MSH3: variants seen among roughly 807,000 people sequenced by gnomAD.
The protein encoded by MSH3 is DNA mismatch repair protein Msh3.
MSH3 carries 106 observed loss-of-function variants against 123.3 expected under a neutral mutation model. The ratio of observed to expected loss-of-function variants is 0.86; its 90% CI spans 0.73 to 1.01. MSH3 has a LOEUF of 1.01. MSH3 is among the 50% of genes least tolerant of loss of function. The probability of loss-of-function intolerance (pLI) is 0.00; values close to 1 mark genes in which losing one functional copy is unlikely to be tolerated. For missense variants in MSH3, 1,459 were observed against 1,347.6 expected, an observed-to-expected ratio of 1.08 and a Z score of -1.29; for synonymous variants, 515 against 481.4, an observed-to-expected ratio of 1.07 and a Z score of -0.91.
At chr5:80,871,932 G>A (rs1746221808) in intron 22 of MSH3, among the ~76,000 whole-genome samples, 1 of 152,080 alleles carries the variant, frequency 6.6e-6, no homozygotes, top group African/African-American at 2.4e-5. Flanking sequence ...ATGTGGTCTT[G>A]GGTGAAGCCC....
At position 80,754,284 on chromosome 5, in the gene MSH3, T is replaced by TTA. The variant is rs543692557; in HGVS notation, c.1764-7248_1764-7247dup. On this transcript the variant is annotated intron_variant, in intron 12 of 23. Coordinates refer to ENST00000265081, the MANE Select transcript of MSH3 (RefSeq NM_002439.5). ...TTGTTTAAAAAAGCAAATATGAATTTTATATATATATATATGAAATCTCTT... is the reference window on the plus strand; with the variant it reads ...TTGTTTAAAAAAGCAAATATGAATTTTATATATATATATATATGAAATCTCTT... Among the ~76,000 whole-genome samples the TTA allele has an allele frequency of 2.0e-3, 303 of 151,314 alleles. 1 individual carries two copies. The highest frequency in any genetic ancestry group is 6.5e-3 in the African/African-American group (270 of 41,256).
rs921898939 is a variant in MSH3, at chr5:80,654,976, C to T, written c.237+12C>T. 4.2e-6 allele frequency: 6 copies of T among 1,440,254 alleles called. No individual in the cohort carries two copies. Among genetic ancestry groups the T allele is most frequent in the Non-Finnish European group, 5.5e-6 (6 of 1,092,714 alleles). 89.2% of individuals were successfully genotyped at this position (1,440,254 alleles called of 1,614,324 possible). ...TGCCGCCGCACATAGTAGGTTCTGT[C>T]TGGGACTGGGCAGGGCCATCGGGGC... On this transcript the variant is annotated intron_variant, in intron 1 of 23. Transcript: ENST00000265081.
chr5:80,836,732 C>T (rs994976461), intron 20 of MSH3, among the ~76,000 whole-genome samples: 1 of 145,512 alleles, frequency 6.9e-6, no homozygotes, highest in Non-Finnish European at 1.5e-5. Flanking sequence ...CTTAGAATAC[C>T]TAGTGTAATG....
chr5:80,840,049 T>A (rs1385534733), intron 20 of MSH3, among the ~76,000 whole-genome samples: 1 of 152,236 alleles, frequency 6.6e-6, no homozygotes, highest in Non-Finnish European at 1.5e-5. Context: ...AGAAATTTTT[T>A]ATCAATTCAA....
At chr5:80,766,409 G>C (rs542814475) in intron 13 of MSH3, among the ~76,000 whole-genome samples, 1 of 133,832 alleles carries the variant, frequency 7.5e-6, no homozygotes. Context: ...GCAGTGGCAC[G>C]ATCTCGGCTC....
At chr5:80,870,210 T>C (rs2112125257) in intron 22 of MSH3, among the ~76,000 whole-genome samples, 1 of 151,696 alleles carries the variant, frequency 6.6e-6, no homozygotes, top group East Asian at 1.9e-4. Flanking sequence ...TAACAAATTT[T>C]TGGATAGGGG....
chr5:80,655,018 G>C, intron 1 of MSH3, 54 bp downstream of exon 1: 1 of 1,139,352 alleles, frequency 8.8e-7, no homozygotes, highest in Non-Finnish European at 1.2e-6. Context: ...GGCGGGGCTT[G>C]TGGGTAAGGC....
chr5:80,868,732 C>G (rs781659787), intron 22 of MSH3, among the ~76,000 whole-genome samples: 10 of 149,994 alleles, frequency 6.7e-5, no homozygotes, highest in Non-Finnish European at 1.5e-4. Flanking sequence ...AAGTTTACCT[C>G]TATAGCAAAC....
At chr5:80,706,468 T>C (rs1730433088) in intron 8 of MSH3, among the ~76,000 whole-genome samples, 1 of 152,236 alleles carries the variant, frequency 6.6e-6, no homozygotes, top group Non-Finnish European at 1.5e-5. Flanking sequence ...CCTTTCTTGC[T>C]TTTTCTCAAA....
chr5:80,720,234 T>C (rs908230491), intron 8 of MSH3, among the ~76,000 whole-genome samples: 11 of 152,222 alleles, frequency 7.2e-5, no homozygotes, highest in Non-Finnish European at 1.2e-4. Flanking sequence ...ACTAGATTAC[T>C]TACTGTGATG....
At position 80,725,477 on chromosome 5, in the gene MSH3, C is replaced by T. The variant is rs771995449; in HGVS notation, c.1365C>T (p.Val455=). Residue 455 remains valine, a synonymous_variant, in exon 9 of 24, where the codon GTC becomes GTT. Coordinates refer to ENST00000265081, the MANE Select transcript of MSH3 (RefSeq NM_002439.5). ...SVSVQDDRIR[V]ERMDNIYFEY... ...GTGTGCAGGATGACAGAATTCGAGT[C>T]GAAAGGATGGATAACATTTATTTTG... The T allele has an allele frequency of 5.6e-5, 90 of 1,613,072 alleles. No individual in the cohort carries two copies. The highest frequency in any genetic ancestry group is 6.8e-5 in the Non-Finnish European group (80 of 1,179,760).
At chr5:80,759,592 G>A (rs1018552454) in intron 12 of MSH3, among the ~76,000 whole-genome samples, 12 of 152,198 alleles carry the variant, frequency 7.9e-5, no homozygotes, top group African/African-American at 2.9e-4. Flanking sequence ...GACAATTAAA[G>A]ATTCTGGATT....
At chr5:80,678,459 G>C (rs1749890176) in intron 7 of MSH3, among the ~76,000 whole-genome samples, 1 of 152,230 alleles carries the variant, frequency 6.6e-6, no homozygotes, top group Non-Finnish European at 1.5e-5. Context: ...ATTTACTACA[G>C]TACTGGTGGT....
intron 12 of MSH3, among the ~76,000 whole-genome samples, chr5:80,755,080 A>T (rs117331018): frequency 1.3e-5 from 2 of 152,264 alleles, no homozygotes; most frequent in East Asian, 3.9e-4. Context: ...CTGCTCGGAA[A>T]TGGGAAGGGA....
At chr5:80,853,211 C>G (rs1460537803) in intron 20 of MSH3, among the ~76,000 whole-genome samples, 1 of 152,102 alleles carries the variant, frequency 6.6e-6, no homozygotes, top group African/African-American at 2.4e-5. Context: ...GTGGCTCATG[C>G]CTGTAATCCC....
rs150691902 is a variant in MSH3, at chr5:80,800,956, G to A, written c.2655+8112G>A. Among the ~76,000 whole-genome samples, 11 of 152,310 alleles carry A rather than the reference G, an allele frequency of 7.2e-5. No homozygotes were observed. The East Asian group carries it at 2.1e-3, about 29-fold the overall frequency. ...TTCTGTAGATTGGGTGGTCAAGGAA[G>A]GTGTGTCCTGGGAGTTGATGTTTGA... On this transcript the variant is annotated intron_variant, in intron 19 of 23. Coordinates refer to ENST00000265081, the MANE Select transcript of MSH3 (RefSeq NM_002439.5).
At chr5:80,680,828 AAAT>A (rs1341595259) in intron 8 of MSH3, among the ~76,000 whole-genome samples, 1 of 152,158 alleles carries the variant, frequency 6.6e-6, no homozygotes, top group Non-Finnish European at 1.5e-5. Flanking sequence ...CTTAAAAACA[AAAT>A]AAGTACATGA....
At chr5:80,806,236 T>C (rs1335284180) in intron 19 of MSH3, among the ~76,000 whole-genome samples, 1 of 152,148 alleles carries the variant, frequency 6.6e-6, no homozygotes, top group Non-Finnish European at 1.5e-5. Context: ...GTAGCTGGGA[T>C]TACTGGCATG....
At chr5:80,767,405 G>T in intron 13 of MSH3, among the ~76,000 whole-genome samples, 1 of 152,052 alleles carries the variant, frequency 6.6e-6, no homozygotes, top group South Asian at 2.1e-4. Context: ...AATCTTTGGC[G>T]TTCCGATAAG....
Sources: gnomAD v4.1 joint callset for allele counts (sites outside exome capture counted in the v4.1 genomes callset) on GRCh38, gnomAD v4.1.1 for gene constraint, MANE v1.5 for transcripts, NCBI Gene and HGNC (gene_info 2026-07-23, HGNC 2026-07-21) for gene names.